Variants in SRD5A2 observed in about 807,000 individuals in gnomAD.
SRD5A2 encodes 3-oxo-5-alpha-steroid 4-dehydrogenase 2.
A neutral mutation model predicts 27.4 loss-of-function variants in SRD5A2; 30 were observed. That is an observed-to-expected ratio of 1.10 (90% CI 0.82 to 1.49). The LOEUF (loss-of-function observed/expected upper bound fraction) is 1.49. Among genes scored for constraint, SRD5A2 ranks in the 40% most tolerant of loss-of-function variants. The probability of loss-of-function intolerance (pLI) is 0.00; values close to 1 mark genes in which losing one functional copy is unlikely to be tolerated. For synonymous variants in SRD5A2, 141 were observed against 133.6 expected (o/e 1.06, Z -0.38); for missense variants, 348 against 323.4 (o/e 1.08, Z -0.58).
At chr2:31,644,331 T>C in the SRD5A2 span, among the ~76,000 whole-genome samples, 1 of 152,104 alleles carries the variant, frequency 6.6e-6, no homozygotes, top group East Asian at 1.9e-4. Context: ...AAAAATGCGA[T>C]GCACGATCCA....
chr2:31,623,136 CCACTTCACTGTA>C, the SRD5A2 span, among the ~76,000 whole-genome samples: 1 of 152,086 alleles, frequency 6.6e-6, no homozygotes, highest in Non-Finnish European at 1.5e-5. Flanking sequence ...TCTTGAACCA[CCACTTCACTGTA>C]CACTCATTAG....
chr2:31,524,007 G>A lies in SRD5A2; in HGVS notation c.*2189C>T, dbSNP rs114222526. The A allele has an allele frequency of 2.7e-3, 595 of 220,410 alleles. 4 individuals carry two copies. Among genetic ancestry groups the A allele is most frequent in the African/African-American group, 0.013 (578 of 44,744 alleles). The allele number at this position is 220,410 out of a possible 1,614,324, so 13.7% of individuals were successfully genotyped here. ...GGTCCACGATCAGGCAACAGGACTG[G>A]GGTTGGACCTAATTAAGTCAAGGTT... On this transcript the variant is annotated 3_prime_UTR_variant, in exon 5 of 5. Transcript: ENST00000622030.
At chr2:31,542,274 A>G (rs1278321572) in intron 1 of SRD5A2, among the ~76,000 whole-genome samples, 1 of 152,230 alleles carries the variant, frequency 6.6e-6, no homozygotes, top group Admixed American at 6.5e-5. Context: ...CCTCATGAAT[A>G]TATACACCTA....
the SRD5A2 span, among the ~76,000 whole-genome samples, chr2:31,627,055 A>G: frequency 6.6e-6 from 1 of 152,126 alleles, no homozygotes; most frequent in Admixed American, 6.6e-5. Context: ...TGGTCTATTC[A>G]GGGATTCAAC....
At chr2:31,526,365 T>C in intron 4 of SRD5A2, 103 bp from the exon 5 acceptor site, 1 of 758,420 alleles carries the variant, frequency 1.3e-6, no homozygotes, top group Non-Finnish European at 2.3e-6. Flanking sequence ...TACAGTTATT[T>C]TGGGCCTGAC....
chr2:31,602,304 C>T, the SRD5A2 span, among the ~76,000 whole-genome samples: 99 of 152,070 alleles, frequency 6.5e-4, no homozygotes, highest in African/African-American at 2.3e-3. Context: ...ACTGAACTCC[C>T]GTTCACAATT....
the SRD5A2 span, among the ~76,000 whole-genome samples, chr2:31,624,412 A>T: frequency 3.3e-5 from 5 of 151,922 alleles, no homozygotes; most frequent in African/African-American, 9.7e-5. Context: ...TGTGCACAAC[A>T]TGCAGATTTG....
At chr2:31,536,771 T>C (rs1197193294) in intron 1 of SRD5A2, among the ~76,000 whole-genome samples, 2 of 152,160 alleles carry the variant, frequency 1.3e-5, no homozygotes, top group Admixed American at 6.5e-5. Context: ...AGGCTGGCAA[T>C]TGGTGCTGTA....
the SRD5A2 span, among the ~76,000 whole-genome samples, chr2:31,593,549 C>T: frequency 6.6e-6 from 1 of 152,054 alleles, no homozygotes; most frequent in East Asian, 1.9e-4. Flanking sequence ...ATTTGTTAAA[C>T]AACCAAACAT....
At chr2:31,612,377 A>G in the SRD5A2 span, among the ~76,000 whole-genome samples, 1 of 152,160 alleles carries the variant, frequency 6.6e-6, no homozygotes, top group Non-Finnish European at 1.5e-5. Flanking sequence ...TCTATACACT[A>G]ACAGTGAACT....
chr2:31,654,912 A>C, the SRD5A2 span, among the ~76,000 whole-genome samples: 1 of 152,178 alleles, frequency 6.6e-6, no homozygotes, highest in Non-Finnish European at 1.5e-5. Context: ...TCTACTCTGA[A>C]GTTTTCCCAG....
At chr2:31,618,309 T>G in the SRD5A2 span, among the ~76,000 whole-genome samples, 11 of 152,220 alleles carry the variant, frequency 7.2e-5, no homozygotes, top group African/African-American at 2.6e-4. Flanking sequence ...GAGATTTGGG[T>G]GGGAACACAG....
In SRD5A2 at chr2:31,525,555, C is replaced by T. The variant is rs183366009; in HGVS notation, c.*641G>A. 4 of 225,524 alleles carry T rather than the reference C, an allele frequency of 1.8e-5. No individual in the cohort carries two copies. Among genetic ancestry groups the T allele is most frequent in the Non-Finnish European group, 2.7e-5 (3 of 113,192 alleles). The allele number at this position is 225,524 out of a possible 1,614,324, so 14.0% of individuals were successfully genotyped here. On this transcript the variant is annotated 3_prime_UTR_variant, in exon 5 of 5. Coordinates refer to ENST00000622030, the MANE Select transcript of SRD5A2 (RefSeq NM_000348.4). ...AAATCTTCTGGAAAACAGAGGCACT[C>T]ATCAACTAAGACACTGCACAAATTT...
At chr2:31,625,434 C>T in the SRD5A2 span, among the ~76,000 whole-genome samples, 3 of 152,120 alleles carry the variant, frequency 2.0e-5, no homozygotes, top group Non-Finnish European at 4.4e-5. Context: ...AAGTACTTGC[C>T]CATACCTATG....
the SRD5A2 span, among the ~76,000 whole-genome samples, chr2:31,607,373 CA>C: frequency 6.6e-6 from 1 of 151,856 alleles, no homozygotes; most frequent in Admixed American, 6.6e-5. Context: ...AGGGTGAAGA[CA>C]AAGAGGAAAC....
chr2:31,592,355 G>C, the SRD5A2 span, among the ~76,000 whole-genome samples: 1 of 152,124 alleles, frequency 6.6e-6, no homozygotes, highest in Non-Finnish European at 1.5e-5. Flanking sequence ...TCCTGAGTCT[G>C]TCCATGTGAC....
At chr2:31,631,072 C>T in the SRD5A2 span, among the ~76,000 whole-genome samples, 1 of 152,328 alleles carries the variant, frequency 6.6e-6, no homozygotes, top group Non-Finnish European at 1.5e-5. Context: ...GACTTTATCC[C>T]AATCCTGACT....
the SRD5A2 span, among the ~76,000 whole-genome samples, chr2:31,652,095 C>T: frequency 6.5e-3 from 990 of 152,298 alleles, 14 homozygotes; most frequent in African/African-American, 0.022. Context: ...GTAGCTGGGA[C>T]TATAGGCCCA....
chr2:31,580,948 C>G, upstream of SRD5A2: 1 of 1,558,244 alleles, frequency 6.4e-7, no homozygotes, highest in Non-Finnish European at 8.7e-7. Flanking sequence ...GAAGAGAGCG[C>G]GGCCCCCGCA....
Sources: gnomAD v4.1 joint callset for allele counts (sites outside exome capture counted in the v4.1 genomes callset) on GRCh38, gnomAD v4.1.1 for gene constraint, MANE v1.5 for transcripts, NCBI Gene and HGNC (gene_info 2026-07-23, HGNC 2026-07-21) for gene names.